Variants in ATF7 observed in about 807,000 individuals in gnomAD.
The protein encoded by ATF7 is activating transcription factor 7, also known as cyclic AMP-dependent transcription factor ATF-7.
In ATF7, 10 loss-of-function variants were observed where a neutral mutation model predicts 50.4. The ratio of observed to expected loss-of-function variants is 0.20; its 90% CI spans 0.12 to 0.34. The LOEUF is 0.34. ATF7 is among the 10% of genes least tolerant of loss of function. The probability of loss-of-function intolerance (pLI) is 1.00; values close to 1 mark genes in which losing one functional copy is unlikely to be tolerated. For missense variants in ATF7, 465 were observed against 613.9 expected (o/e 0.76, Z 2.56); for synonymous variants, 201 against 226.4 (o/e 0.89, Z 1.01).
At chr12:53,531,250 G>A (rs1266630498) in intron 9 of ATF7, among the ~76,000 whole-genome samples, 2 of 151,716 alleles carry the variant, frequency 1.3e-5, no homozygotes, top group Non-Finnish European at 2.9e-5. Context: ...GTGAGACCCC[G>A]CCTCTACTAA....
intron 2 of ATF7, among the ~76,000 whole-genome samples, chr12:53,598,285 C>T (rs1943248935): frequency 1.3e-5 from 2 of 152,162 alleles, no homozygotes; most frequent in Admixed American, 1.3e-4. Flanking sequence ...TCTCACCTGA[C>T]CATAAAGTTT....
intron 2 of ATF7, among the ~76,000 whole-genome samples, chr12:53,597,277 A>C (rs1170191806): frequency 6.6e-6 from 1 of 152,172 alleles, no homozygotes. Context: ...AGAATCCAAA[A>C]ATAACAGCCA....
chr12:53,586,803 ACACACACG>A (rs1265424191), intron 2 of ATF7, among the ~76,000 whole-genome samples: 1 of 152,170 alleles, frequency 6.6e-6, no homozygotes, highest in Non-Finnish European at 1.5e-5. Flanking sequence ...ACAAATACAC[ACACACACG>A]CACACACGTG....
intron 2 of ATF7, among the ~76,000 whole-genome samples, chr12:53,562,635 CAA>C (rs34627729): frequency 1.4e-5 from 2 of 144,438 alleles, no homozygotes; most frequent in Non-Finnish European, 3.0e-5. Flanking sequence ...AACTTCATCT[CAA>C]AAAAAAAAAA....
intron 2 of ATF7, among the ~76,000 whole-genome samples, chr12:53,553,245 G>A (rs759959476): frequency 2.6e-5 from 4 of 152,182 alleles, no homozygotes; most frequent in Non-Finnish European, 4.4e-5. Flanking sequence ...CAGCAATAAT[G>A]GCACATACCA....
At chr12:53,525,349 G>C (rs949723013) in intron 9 of ATF7, among the ~76,000 whole-genome samples, 1 of 152,132 alleles carries the variant, frequency 6.6e-6, no homozygotes, top group Admixed American at 6.6e-5. Context: ...GCGAAACTCC[G>C]TCTCACAAAA....
rs1937711480 is a variant in ATF7 at position 53,516,555 on chromosome 12, CTTACATTCTCCGTAAGTGAATGT to C, written c.*559_*581del. Reference sequence around the variant, plus strand: ...TGCTACTTCATACATCAAAGGTAACCTTACATTCTCCGTAAGTGAATGTTTTAACTAGAATTAAGGAAGAGGAA... The same window carrying C: ...TGCTACTTCATACATCAAAGGTAACCTTTAACTAGAATTAAGGAAGAGGAA... On this transcript the variant is annotated 3_prime_UTR_variant, in exon 12 of 12. Transcript: ENST00000420353. 6.5e-6 allele frequency: 1 copy of C among 154,280 alleles called. No individual in the cohort carries two copies. The highest frequency in any genetic ancestry group is 6.4e-5 in the Admixed American group (1 of 15,652). The allele number at this position is 154,280 out of a possible 1,614,324, so 9.6% of individuals were successfully genotyped here. A position where few individuals can be genotyped will look rare whatever the true frequency, so the allele number is the denominator to read the frequency against.
chr12:53,594,515 G>GGCAA (rs1254370627), intron 2 of ATF7, among the ~76,000 whole-genome samples: 1 of 152,044 alleles, frequency 6.6e-6, no homozygotes, highest in Non-Finnish European at 1.5e-5. Flanking sequence ...TGTTTCTAAG[G>GGCAA]GCAAGTGTCA....
intron 8 of ATF7, 54 bp from the exon 9 acceptor site, chr12:53,531,950 T>C (rs1054323274): frequency 8.8e-6 from 14 of 1,593,292 alleles, no homozygotes; most frequent in Middle Eastern, 2.0e-4. Flanking sequence ...CTATCAAGGA[T>C]GAGAAGAGTG....
intron 2 of ATF7, among the ~76,000 whole-genome samples, chr12:53,597,887 T>G (rs1297593873): frequency 6.6e-6 from 1 of 152,190 alleles, no homozygotes; most frequent in African/African-American, 2.4e-5. Context: ...AAGCCACTGC[T>G]TTTTGAGACT....
chr12:53,542,115 T>TTTTTTTTTTG (rs1939598969), intron 4 of ATF7, among the ~76,000 whole-genome samples: 2 of 146,286 alleles, frequency 1.4e-5, no homozygotes, highest in Admixed American at 1.4e-4. Context: ...CTGTTTTTTT[T>TTTTTTTTTTG]TTTTTTTTTT....
In ATF7 at chr12:53,517,323, A is replaced by T; in HGVS notation, c.1266T>A (p.Gly422=). 6.2e-7 allele frequency: 1 copy of T among 1,613,862 alleles called. No homozygotes were observed. The highest frequency in any genetic ancestry group is 8.5e-7 in the Non-Finnish European group (1 of 1,179,874). The part of the protein sequence containing the change: ...ESPKESSEPT[G]SPAPVIQHSS... Reference sequence around the variant, plus strand: ...TGTGCTGAATCACAGGGGCTGGAGAACCCGTTGGCTCTGAGCTTTCCTTGG... The same window carrying T: ...TGTGCTGAATCACAGGGGCTGGAGATCCCGTTGGCTCTGAGCTTTCCTTGG... Residue 422 remains glycine (G), a synonymous_variant, in exon 12 of 12, where the codon GGT becomes GGA. Coordinates refer to ENST00000420353, the MANE Select transcript of ATF7 (RefSeq NM_006856.3).
chr12:53,524,402 A>C lies in ATF7; in HGVS notation c.1125+162T>G, dbSNP rs972111036. Among the ~76,000 whole-genome samples, 3 of 152,220 alleles carry C rather than the reference A, an allele frequency of 2.0e-5. No homozygotes were observed. Among genetic ancestry groups the C allele is most frequent in the African/African-American group, 7.2e-5 (3 of 41,462 alleles). ...GTGAGTGTCTTCACCAATACCTATG[A>C]AAGAGATTTCAACTCTGACCGTTAA... On this transcript the variant is annotated intron_variant, in intron 10 of 11. Transcript: ENST00000420353. This position sits in a 1 kb window ranked among gnomAD's most constrained non-coding sequence, Gnocchi z 4.6.
intron 1 of ATF7, among the ~76,000 whole-genome samples, chr12:53,610,564 CAA>C (rs528813775): frequency 3.8e-4 from 21 of 55,028 alleles, no homozygotes; most frequent in Admixed American, 5.7e-4. Context: ...GACTCTGTCT[CAA>C]AAAAAAAAAA....
chr12:53,530,696 C>T (rs2137371748), intron 9 of ATF7, among the ~76,000 whole-genome samples: 1 of 152,222 alleles, frequency 6.6e-6, no homozygotes, highest in African/African-American at 2.4e-5. Context: ...CAACCTCCAC[C>T]TCCTAGGTTC....
At chr12:53,526,559 GGGATGGCTTCTGGTAATATTA>G (rs1254606389) in intron 9 of ATF7, among the ~76,000 whole-genome samples, 2 of 152,106 alleles carry the variant, frequency 1.3e-5, no homozygotes, top group African/African-American at 4.8e-5. Context: ...CTAATACTTT[GGGATGGCTTCTGGTAATATTA>G]GGATGGCTTC....
intron 1 of ATF7, among the ~76,000 whole-genome samples, chr12:53,601,432 T>C (rs1341306465): frequency 6.6e-6 from 1 of 152,188 alleles, no homozygotes; most frequent in Admixed American, 6.5e-5. Context: ...TAAGGGATTA[T>C]AGGAGGGGTG....
At chr12:53,529,734 C>CACACACACACACACACAT (rs1298379846) in intron 9 of ATF7, among the ~76,000 whole-genome samples, 44 of 143,536 alleles carry the variant, frequency 3.1e-4, no homozygotes, top group East Asian at 2.4e-3. Flanking sequence ...CACACACACA[C>CACACACACACACACACAT]ATATATATAT....
At chr12:53,527,276 G>T (rs1056094987) in intron 9 of ATF7, among the ~76,000 whole-genome samples, 3 of 150,526 alleles carry the variant, frequency 2.0e-5, no homozygotes, top group African/African-American at 7.4e-5. Context: ...CTGGAGCCCA[G>T]GAGTTAGAGA....
Sources: allele counts gnomAD v4.1 joint callset (sites outside exome capture counted in the v4.1 genomes callset), GRCh38; gene constraint gnomAD v4.1.1; non-coding constraint Gnocchi (gnomAD v3.1); transcripts MANE v1.5; gene names NCBI Gene and HGNC (gene_info 2026-07-23, HGNC 2026-07-21).